The following WDFY3 variants were observed in gnomAD, a reference collection of about 807,000 sequenced individuals.
WDFY3 encodes the protein WD repeat and FYVE domain containing 3.
WDFY3 carries 66 observed loss-of-function variants against 409.6 expected under a neutral mutation model. The observed-to-expected ratio is 0.16, with a 90% CI of 0.13 to 0.20. The LOEUF (loss-of-function observed/expected upper bound fraction) is 0.20. Ranked by LOEUF, WDFY3 falls within the 10% of genes least tolerant of loss-of-function variation. WDFY3 has a pLI of 1.00. For synonymous variants in WDFY3, 1,521 were observed against 1,537.1 expected (o/e 0.99, Z 0.25); for missense variants, 3,031 against 4,298.1 (o/e 0.71, Z 8.24).
At chr4:84,939,048 C>T (rs1282562328) in intron 1 of WDFY3, among the ~76,000 whole-genome samples, 3 of 152,210 alleles carry the variant, frequency 2.0e-5, no homozygotes, top group East Asian at 3.9e-4. Flanking sequence ...TATTTTCCCC[C>T]ATTCAGTATA....
chr4:84,693,314 A>G (rs1455454969), intron 58 of WDFY3, among the ~76,000 whole-genome samples: 2 of 152,198 alleles, frequency 1.3e-5, no homozygotes, highest in African/African-American at 4.8e-5. Context: ...AAGAAAGTCA[A>G]TCTACAGTTG....
intron 6 of WDFY3, among the ~76,000 whole-genome samples, chr4:84,837,534 G>C (rs1183289095): frequency 6.6e-6 from 1 of 152,022 alleles, no homozygotes; most frequent in East Asian, 1.9e-4. Flanking sequence ...GCACTAAATT[G>C]TATATTCATT....
chr4:84,910,173 G>C (rs541206337), intron 2 of WDFY3, among the ~76,000 whole-genome samples: 5 of 151,958 alleles, frequency 3.3e-5, no homozygotes, highest in Middle Eastern at 3.4e-3. Context: ...CATTGTATTC[G>C]GTATTATAAG....
At chr4:84,763,521 C>T (rs775013877) in intron 32 of WDFY3, among the ~76,000 whole-genome samples, 1 of 150,780 alleles carries the variant, frequency 6.6e-6, no homozygotes, top group African/African-American at 2.4e-5. Flanking sequence ...ATGTTCTGCA[C>T]ATGTATCCCA....
chr4:84,696,602 C>T, intron 57 of WDFY3, 130 bp downstream of exon 57: 1 of 810,466 alleles, frequency 1.2e-6, no homozygotes, highest in Non-Finnish European at 2.0e-6. Flanking sequence ...TGGGATGTAT[C>T]CCCTGTAGAT....
chr4:84,708,901 A>T lies in WDFY3; in HGVS notation c.8217+8T>A. 1 of 1,610,052 alleles carries T rather than the reference A, an allele frequency of 6.2e-7. No individual in the cohort carries two copies. On this transcript the variant is annotated splice_region_variant and intron_variant, in intron 53 of 67. Transcript: ENST00000295888. ...TGTTCTACGTAAGCAAAATGACTTA[A>T]GATTTACCTCTGAGTCATAATCTGC...
chr4:84,906,760 G>A (rs936958894), intron 2 of WDFY3, among the ~76,000 whole-genome samples: 1 of 149,320 alleles, frequency 6.7e-6, no homozygotes, highest in African/African-American at 2.5e-5. Flanking sequence ...AACATTATGA[G>A]ATATTTTGTG....
chr4:84,774,247 T>C (rs1207291306), intron 29 of WDFY3, among the ~76,000 whole-genome samples: 2 of 152,222 alleles, frequency 1.3e-5, no homozygotes, highest in African/African-American at 4.8e-5. Context: ...GTTTTCCTTC[T>C]ATAATCCCCA....
At chr4:84,686,258 A>G (rs887857000) in intron 62 of WDFY3, among the ~76,000 whole-genome samples, 9 of 152,200 alleles carry the variant, frequency 5.9e-5, no homozygotes, top group Non-Finnish European at 5.9e-5. Flanking sequence ...TTGAGCCGAC[A>G]TAGCACCACT....
At chr4:84,704,934 C>T (rs573017527) in intron 54 of WDFY3, among the ~76,000 whole-genome samples, 1 of 152,038 alleles carries the variant, frequency 6.6e-6, no homozygotes, top group African/African-American at 2.4e-5. Flanking sequence ...TTTGTTTTGC[C>T]TTTTTGAGGG....
intron 3 of WDFY3, among the ~76,000 whole-genome samples, chr4:84,888,280 C>T (rs942252103): frequency 6.6e-6 from 1 of 152,134 alleles, no homozygotes; most frequent in Non-Finnish European, 1.5e-5. Context: ...TGGCTCGTGC[C>T]TGTAATCCCA....
intron 44 of WDFY3, among the ~76,000 whole-genome samples, chr4:84,730,784 A>T (rs549768656): frequency 4.0e-5 from 6 of 150,162 alleles, no homozygotes; most frequent in Admixed American, 2.0e-4. Flanking sequence ...TGATGAGTTT[A>T]AAAAAAAAAT....
chr4:84,707,520 G>A (rs1488761063), intron 53 of WDFY3, among the ~76,000 whole-genome samples: 7 of 152,118 alleles, frequency 4.6e-5, no homozygotes, highest in Non-Finnish European at 2.9e-5. Context: ...GGGAATACAC[G>A]GTGAAGGTCA....
At chr4:84,759,757 C>G (rs1418431049) in intron 32 of WDFY3, among the ~76,000 whole-genome samples, 3 of 151,636 alleles carry the variant, frequency 2.0e-5, no homozygotes, top group Non-Finnish European at 2.9e-5. Context: ...CAAACAGGGA[C>G]AATTTGACTT....
chr4:84,705,597 G>T, intron 53 of WDFY3, 86 bp from the exon 54 acceptor site: 1 of 1,098,562 alleles, frequency 9.1e-7, no homozygotes, highest in Non-Finnish European at 1.4e-6. Context: ...TGTGGATGAT[G>T]ATGATTTATA....
intron 17 of WDFY3, 97 bp downstream of exon 17, chr4:84,801,553 G>A: frequency 1.5e-6 from 2 of 1,335,084 alleles, no homozygotes; most frequent in Non-Finnish European, 2.0e-6. Context: ...ATAGATAACT[G>A]AATATATGTC....
At chr4:84,900,963 G>A (rs1329141750) in intron 2 of WDFY3, among the ~76,000 whole-genome samples, 1 of 152,202 alleles carries the variant, frequency 6.6e-6, no homozygotes, top group African/African-American at 2.4e-5. Flanking sequence ...GGATCTGTAG[G>A]CTGAGAAATC....
intron 5 of WDFY3, among the ~76,000 whole-genome samples, chr4:84,847,362 T>C (rs764409088): frequency 3.3e-5 from 5 of 152,054 alleles, no homozygotes; most frequent in African/African-American, 7.2e-5. Flanking sequence ...GGGTGAGACA[T>C]GTATGGACAT....
chr4:84,794,504 A>G lies in WDFY3; in HGVS notation c.3487+15T>C. 6.2e-7 allele frequency: 1 copy of G among 1,601,154 alleles called. No homozygotes were observed. On this transcript the variant is annotated intron_variant, in intron 21 of 67. Transcript: ENST00000295888. ...CTTCTATAATCAAAAGAAGAAAACA[A>G]AAAAAAATACTGACCATAATTTTGG... is the stretch of plus-strand genomic sequence containing the variant.
Sources: gnomAD v4.1 joint callset for allele counts (sites outside exome capture counted in the v4.1 genomes callset) on GRCh38, gnomAD v4.1.1 for gene constraint, MANE v1.5 for transcripts, NCBI Gene and HGNC (gene_info 2026-07-23, HGNC 2026-07-21) for gene names.